The following PCDH9 variants were observed in gnomAD, a reference collection of about 807,000 sequenced individuals.
PCDH9 encodes the protein protocadherin 9.
Under a neutral mutation model 70.6 loss-of-function variants are expected in PCDH9, and 24 were observed. The observed-to-expected ratio is 0.34, with a 90% confidence interval of 0.25 to 0.48. The LOEUF (loss-of-function observed/expected upper bound fraction) is 0.48. Ranked by LOEUF, PCDH9 falls within the 20% of genes least tolerant of loss-of-function variation. The probability of loss-of-function intolerance (pLI) is 0.99; values close to 1 mark genes in which losing one functional copy is unlikely to be tolerated. For synonymous variants in PCDH9, 562 were observed against 558.5 expected, an observed-to-expected ratio of 1.01 and a Z score of -0.09; for missense variants, 1,281 against 1,503.6, an observed-to-expected ratio of 0.85 and a Z score of 2.45.
chr13:66,737,655 G>A (rs140898516), intron 3 of PCDH9, among the ~76,000 whole-genome samples: 1,555 of 152,312 alleles, frequency 0.01, 32 homozygotes, highest in African/African-American at 0.034. Flanking sequence ...TGCACGAGCC[G>A]AAGCCGGGCA....
Position 66,980,730 on chromosome 13 carries a change from G to GTTTTTTTTTTTTTTTTTTTTTTTTT in PCDH9, c.3037-77126_3037-77125insAAAAAAAAAAAAAAAAAAAAAAAAA. 4.2e-4 allele frequency among the ~76,000 whole-genome samples: 30 copies of GTTTTTTTTTTTTTTTTTTTTTTTTT among 70,872 alleles called. 2 individuals carry two copies. Among genetic ancestry groups the GTTTTTTTTTTTTTTTTTTTTTTTTT allele is most frequent in the Non-Finnish European group, 5.3e-4 (20 of 37,616 alleles). 46.5% of individuals were successfully genotyped at this position (70,872 alleles called of 152,430 possible). ...TTTGTTTTTTCCTGTTTTTTTCTTTGTTTTTTTTTTTGTTTTTTTTTTTAC... is the reference window on the plus strand; with the variant it reads ...TTTGTTTTTTCCTGTTTTTTTCTTTGTTTTTTTTTTTTTTTTTTTTTTTTTTTTTTTTTTTTGTTTTTTTTTTTAC... On this transcript the variant is annotated intron_variant, in intron 2 of 4. Transcript: ENST00000377865.
chr13:66,767,861 C>T (rs1168827503), intron 3 of PCDH9, among the ~76,000 whole-genome samples: 4 of 152,076 alleles, frequency 2.6e-5, no homozygotes, highest in Non-Finnish European at 5.9e-5. Flanking sequence ...TGTAAATATT[C>T]CAGGCAATAC....
intron 2 of PCDH9, among the ~76,000 whole-genome samples, chr13:67,072,658 T>C (rs1164820033): frequency 1.3e-5 from 2 of 152,086 alleles, no homozygotes; most frequent in Admixed American, 1.3e-4. Flanking sequence ...CCCAAATTAT[T>C]GACAGTGGAG....
chr13:67,110,828 C>T (rs1480505138), intron 2 of PCDH9, among the ~76,000 whole-genome samples: 1 of 152,140 alleles, frequency 6.6e-6, no homozygotes, highest in African/African-American at 2.4e-5. Context: ...TATTATCCAC[C>T]TATAAAGCTT....
chr13:66,827,675 G>A (rs2080849536), intron 3 of PCDH9, among the ~76,000 whole-genome samples: 4 of 152,178 alleles, frequency 2.6e-5, no homozygotes, highest in Admixed American at 2.6e-4. Context: ...CATCATTCAT[G>A]AGAGATGGAT....
chr13:66,822,596 G>A (rs2080733209), intron 3 of PCDH9, among the ~76,000 whole-genome samples: 2 of 147,086 alleles, frequency 1.4e-5, no homozygotes, highest in South Asian at 4.3e-4. Flanking sequence ...GTGCTATCTT[G>A]GCTTACTGCA....
chr13:67,149,688 C>T (rs1380287404), intron 2 of PCDH9, among the ~76,000 whole-genome samples: 1 of 151,638 alleles, frequency 6.6e-6, no homozygotes, highest in Non-Finnish European at 1.5e-5. Flanking sequence ...AGAAAAATTA[C>T]GTTAAAGATT....
At chr13:66,597,822 A>T (rs987040332) in intron 4 of PCDH9, among the ~76,000 whole-genome samples, 3 of 151,852 alleles carry the variant, frequency 2.0e-5, no homozygotes, top group Non-Finnish European at 4.4e-5. Context: ...AATATTCGCA[A>T]ACCATATATC....
chr13:66,470,166 A>C (rs184436970), intron 4 of PCDH9, among the ~76,000 whole-genome samples: 1 of 152,322 alleles, frequency 6.6e-6, no homozygotes, highest in African/African-American at 2.4e-5. Flanking sequence ...TAATTAAAAC[A>C]ATACGACATG....
chr13:66,732,710 G>A (rs1175158322), intron 3 of PCDH9, among the ~76,000 whole-genome samples: 1 of 151,886 alleles, frequency 6.6e-6, no homozygotes, highest in African/African-American at 2.4e-5. Flanking sequence ...AAGGCTCATT[G>A]AGCCACAGAA....
chr13:66,436,853 C>T (rs1957875113), intron 4 of PCDH9, among the ~76,000 whole-genome samples: 1 of 150,824 alleles, frequency 6.6e-6, no homozygotes, highest in Admixed American at 6.6e-5. Flanking sequence ...CAGTAGTGTG[C>T]CAAGTTTTTT....
At chr13:67,012,697 A>C (rs1190245988) in intron 2 of PCDH9, among the ~76,000 whole-genome samples, 1 of 151,972 alleles carries the variant, frequency 6.6e-6, no homozygotes, top group African/African-American at 2.4e-5. Context: ...TGCCCCCATA[A>C]TTGGGATGGT....
intron 2 of PCDH9, among the ~76,000 whole-genome samples, chr13:67,008,886 A>G (rs1249943887): frequency 2.0e-5 from 3 of 152,160 alleles, no homozygotes; most frequent in Non-Finnish European, 4.4e-5. Context: ...TCCTGAACTT[A>G]CAGTCTAAAT....
chr13:67,165,002 C>T (rs2088071425), intron 2 of PCDH9, among the ~76,000 whole-genome samples: 1 of 152,124 alleles, frequency 6.6e-6, no homozygotes, highest in Non-Finnish European at 1.5e-5. Context: ...ACTTAGCCAT[C>T]TTATTGACCA....
At chr13:67,066,563 A>G (rs1000769412) in intron 2 of PCDH9, among the ~76,000 whole-genome samples, 6 of 152,112 alleles carry the variant, frequency 3.9e-5, no homozygotes, top group Non-Finnish European at 7.4e-5. Flanking sequence ...ACCCAAAGAG[A>G]GTAGAGAATG....
intron 2 of PCDH9, among the ~76,000 whole-genome samples, chr13:66,940,929 T>C (rs1222307455): frequency 6.6e-6 from 1 of 151,998 alleles, no homozygotes; most frequent in African/African-American, 2.4e-5. Flanking sequence ...AGGATTCTTA[T>C]GAATAAACTG....
intron 4 of PCDH9, among the ~76,000 whole-genome samples, chr13:66,440,901 G>A (rs1459736658): frequency 6.6e-6 from 1 of 151,876 alleles, no homozygotes; most frequent in Admixed American, 6.6e-5. Flanking sequence ...TTCAAAATAT[G>A]GCTTCACGGA....
chr13:66,670,722 A>G (rs533533447), intron 3 of PCDH9, among the ~76,000 whole-genome samples: 1 of 152,190 alleles, frequency 6.6e-6, no homozygotes, highest in African/African-American at 2.4e-5. Flanking sequence ...CTGATGATAT[A>G]TTTGGAAAAA....
At chr13:66,501,709 T>C (rs768427297) in intron 4 of PCDH9, among the ~76,000 whole-genome samples, 9 of 152,120 alleles carry the variant, frequency 5.9e-5, no homozygotes, top group Non-Finnish European at 1.3e-4. Context: ...ATAGTCATCA[T>C]TGTAGTAATA....
Sources: allele counts gnomAD v4.1 joint callset (sites outside exome capture counted in the v4.1 genomes callset), GRCh38; gene constraint gnomAD v4.1.1; transcripts MANE v1.5; gene names NCBI Gene and HGNC (gene_info 2026-07-23, HGNC 2026-07-21).